The following KIRREL1 variants were observed in gnomAD, a reference collection of about 807,000 sequenced individuals.
The protein encoded by KIRREL1 is kirre like nephrin family adhesion molecule 1, also known as kin of IRRE-like protein 1.
A neutral mutation model predicts 83.3 loss-of-function variants in KIRREL1; 25 were observed. That is an observed-to-expected ratio of 0.30 (90% CI 0.22 to 0.42). The LOEUF (loss-of-function observed/expected upper bound fraction) is 0.42, where lower values mean the gene tolerates loss of function less well. Ranked by LOEUF, KIRREL1 falls within the 10% of genes least tolerant of loss-of-function variation. The probability of loss-of-function intolerance (pLI) is 1.00; values close to 1 mark genes in which losing one functional copy is unlikely to be tolerated. For synonymous variants in KIRREL1, 388 were observed against 410.4 expected (o/e 0.95, Z 0.66); for missense variants, 812 against 1,032.3 (o/e 0.79, Z 2.92).
intron 1 of KIRREL1, among the ~76,000 whole-genome samples, chr1:158,001,164 A>G (rs1305160061): frequency 6.6e-6 from 1 of 152,132 alleles, no homozygotes; most frequent in African/African-American, 2.4e-5. Context: ...TGAGGAATAT[A>G]TCTTCACTGA....
intron 1 of KIRREL1, among the ~76,000 whole-genome samples, chr1:158,069,735 G>GT (rs920730375): frequency 3.3e-5 from 5 of 152,158 alleles, no homozygotes; most frequent in African/African-American, 1.2e-4. Flanking sequence ...GCTCCTTGCT[G>GT]TGCTCTCTGT....
At chr1:158,074,480 T>C (rs1661612024) in intron 1 of KIRREL1, among the ~76,000 whole-genome samples, 1 of 152,182 alleles carries the variant, frequency 6.6e-6, no homozygotes, top group South Asian at 2.1e-4. Flanking sequence ...AGAGGAGATG[T>C]TGGCATTCTG....
At position 158,095,261 on chromosome 1, in the gene KIRREL1, C is replaced by A. The variant is rs1408305966; in HGVS notation, c.*141C>A. 1.5e-6 allele frequency: 1 copy of A among 655,278 alleles called. No homozygotes were observed. Among genetic ancestry groups the A allele is most frequent in the Non-Finnish European group, 2.6e-6 (1 of 387,874 alleles). 40.6% of individuals were successfully genotyped at this position (655,278 alleles called of 1,614,324 possible). ...CCACCATGGCAGGTGGGGAGCAGGTCTCCCAGAAACACCCCGTCCCGAGGA... is the reference window on the plus strand; with the variant it reads ...CCACCATGGCAGGTGGGGAGCAGGTATCCCAGAAACACCCCGTCCCGAGGA... On this transcript the variant is annotated 3_prime_UTR_variant, in exon 15 of 15. Coordinates refer to ENST00000359209, the MANE Select transcript of KIRREL1 (RefSeq NM_018240.7).
At chr1:158,051,970 A>C (rs182421971) in intron 1 of KIRREL1, among the ~76,000 whole-genome samples, 2,519 of 152,048 alleles carry the variant, frequency 0.017, 40 homozygotes, top group Middle Eastern at 0.034. Context: ...CTCTTTATCC[A>C]CTGTCTTAGT....
intron 2 of KIRREL1, among the ~76,000 whole-genome samples, chr1:158,076,656 G>C (rs1661690178): frequency 6.6e-6 from 1 of 152,144 alleles, no homozygotes; most frequent in Non-Finnish European, 1.5e-5. Flanking sequence ...TGTCCCGCAA[G>C]TGTCTCATGC....
chr1:158,082,085 C>T (rs1424629719), intron 3 of KIRREL1, among the ~76,000 whole-genome samples: 3 of 152,174 alleles, frequency 2.0e-5, no homozygotes, highest in Non-Finnish European at 4.4e-5. Flanking sequence ...CATCCTCAAA[C>T]CTGTCCCCAT....
intron 1 of KIRREL1, among the ~76,000 whole-genome samples, chr1:158,061,505 C>T (rs556395204): frequency 1.3e-5 from 2 of 152,064 alleles, no homozygotes; most frequent in African/African-American, 2.4e-5. Flanking sequence ...GTTTCTCCTA[C>T]ACCTGGATGT....
intron 1 of KIRREL1, among the ~76,000 whole-genome samples, chr1:158,065,182 A>T (rs912582271): frequency 6.6e-6 from 1 of 152,046 alleles, no homozygotes; most frequent in African/African-American, 2.4e-5. Context: ...CTGTTTATTC[A>T]GGAGACTGTT....
intron 1 of KIRREL1, among the ~76,000 whole-genome samples, chr1:157,995,471 G>T (rs528039106): frequency 2.0e-5 from 3 of 152,220 alleles, no homozygotes; most frequent in South Asian, 4.2e-4. Flanking sequence ...GGGGAGGAAG[G>T]GGGTGGGCCA....
At chr1:158,023,594 A>G (rs556577077) in intron 1 of KIRREL1, among the ~76,000 whole-genome samples, 1 of 152,312 alleles carries the variant, frequency 6.6e-6, no homozygotes, top group East Asian at 1.9e-4. Flanking sequence ...GCTGGGTACC[A>G]TGGAAAGAGC....
intron 1 of KIRREL1, among the ~76,000 whole-genome samples, chr1:158,058,157 C>A (rs1661117086): frequency 6.6e-6 from 1 of 152,126 alleles, no homozygotes; most frequent in Non-Finnish European, 1.5e-5. Flanking sequence ...TCCCAGAGGG[C>A]CAGGCCTCGG....
At position 158,099,642 on chromosome 1, in the gene KIRREL1, TAAC is replaced by T. The variant is rs925515816; in HGVS notation, c.*4525_*4527del. 2.0e-5 allele frequency: 3 copies of T among 152,056 alleles called. No homozygotes were observed. The highest frequency in any genetic ancestry group is 4.8e-5 in the African/African-American group (2 of 41,376). 9.4% of individuals were successfully genotyped at this position (152,056 alleles called of 1,614,324 possible). On this transcript the variant is annotated 3_prime_UTR_variant, in exon 15 of 15. Coordinates refer to ENST00000359209, the MANE Select transcript of KIRREL1 (RefSeq NM_018240.7). ...GGTACAAACCTGCCCTTATTAATAA[TAAC>T]AATAATAATAATAACTCCATTTGCA...
Position 158,093,620 on chromosome 1 carries a change from C to T in KIRREL1, c.1580-3C>T. 1 of 1,614,124 alleles carries T rather than the reference C, an allele frequency of 6.2e-7. No individual in the cohort carries two copies. The highest frequency in any genetic ancestry group is 8.5e-7 in the Non-Finnish European group (1 of 1,180,012). ...TTGTTCCAGGCTGCCTCTCCCGTCC[C>T]AGGTCGCAAAGACGTGACCCTGAGG... On this transcript the variant is annotated splice_polypyrimidine_tract_variant and splice_region_variant and intron_variant, in intron 12 of 14. Coordinates refer to ENST00000359209, the MANE Select transcript of KIRREL1 (RefSeq NM_018240.7).
intron 3 of KIRREL1, among the ~76,000 whole-genome samples, chr1:158,079,557 G>T (rs1474539912): frequency 6.6e-6 from 1 of 152,208 alleles, no homozygotes; most frequent in Non-Finnish European, 1.5e-5. Context: ...CTTACCTCAG[G>T]TGATCCACTC....
intron 1 of KIRREL1, among the ~76,000 whole-genome samples, chr1:158,010,396 TACACACACACACACACAC>T (rs56077512): frequency 4.7e-3 from 211 of 44,592 alleles, no homozygotes; most frequent in South Asian, 0.018. Context: ...CACACATGCA[TACACACACACACACACAC>T]ACACACACAC....
intron 7 of KIRREL1, 71 bp downstream of exon 7, chr1:158,088,225 G>T (rs2101639492): frequency 6.2e-7 from 1 of 1,608,086 alleles, no homozygotes; most frequent in East Asian, 2.2e-5. Flanking sequence ...CAGAGTCGGG[G>T]ACTGCTCCAT....
At chr1:158,060,512 T>C (rs1041317551) in intron 1 of KIRREL1, among the ~76,000 whole-genome samples, 2 of 152,182 alleles carry the variant, frequency 1.3e-5, no homozygotes, top group Middle Eastern at 3.2e-3. Context: ...GGTCTCTTAC[T>C]TCAATCTGCC....
intron 1 of KIRREL1, among the ~76,000 whole-genome samples, chr1:158,062,143 G>GT (rs1376844750): frequency 6.6e-6 from 1 of 152,134 alleles, no homozygotes; most frequent in East Asian, 1.9e-4. Flanking sequence ...TCTGAGAGTG[G>GT]TAAGATGAGT....
At chr1:158,088,210 T>C in intron 7 of KIRREL1, 56 bp downstream of exon 7, 1 of 1,613,158 alleles carries the variant, frequency 6.2e-7, no homozygotes, top group African/African-American at 1.3e-5. Context: ...CCAAAGGGCC[T>C]TGGACAGAGT....
Sources: allele counts gnomAD v4.1 joint callset (sites outside exome capture counted in the v4.1 genomes callset), GRCh38; gene constraint gnomAD v4.1.1; transcripts MANE v1.5; gene names NCBI Gene and HGNC (gene_info 2026-07-23, HGNC 2026-07-21).